FHIT: variants seen among roughly 807,000 people sequenced by gnomAD.
FHIT encodes bis(5'-adenosyl)-triphosphatase.
Under a neutral mutation model 17.9 loss-of-function variants are expected in FHIT, and 19 were observed. The observed-to-expected ratio is 1.06, with a 90% confidence interval of 0.74 to 1.56. The LOEUF (loss-of-function observed/expected upper bound fraction) is 1.56, where lower values mean the gene tolerates loss of function less well. Among genes scored for constraint, FHIT ranks in the 40% most tolerant of loss-of-function variants. The pLI is 0.00. For missense variants in FHIT, 248 were observed against 189.2 expected (o/e 1.31, Z -1.82); for synonymous variants, 81 against 69.7 (o/e 1.16, Z -0.81).
At position 61,139,329 on chromosome 3, in the gene FHIT, AC is replaced by A. The variant is rs555926525; in HGVS notation, c.-164+61287del. Reference sequence around the variant, plus strand: ...TTTTTATTGCAGTATAATCTCTTTAACAAAAAACAAGAATTGTAGACCAGTA... The same window carrying A: ...TTTTTATTGCAGTATAATCTCTTTAAAAAAAACAAGAATTGTAGACCAGTA... On this transcript the variant is annotated intron_variant, in intron 2 of 9. Coordinates refer to ENST00000492590, the MANE Select transcript of FHIT (RefSeq NM_002012.4). 6.6e-5 allele frequency among the ~76,000 whole-genome samples: 10 copies of A among 152,252 alleles called. No homozygotes were observed. The South Asian group carries it at 1.9e-3, about 28-fold the overall frequency.
intron 4 of FHIT, among the ~76,000 whole-genome samples, chr3:60,727,609 A>G (rs2041942960): frequency 1.3e-5 from 2 of 152,260 alleles, no homozygotes. Flanking sequence ...AAGTTCATCC[A>G]AAAGATCAAA....
At chr3:60,182,621 A>C (rs572612209) in intron 5 of FHIT, among the ~76,000 whole-genome samples, 1 of 152,008 alleles carries the variant, frequency 6.6e-6, no homozygotes. Context: ...CTACAAAAAA[A>C]TATAACAACA....
intron 5 of FHIT, among the ~76,000 whole-genome samples, chr3:60,239,027 T>C (rs1704967405): frequency 6.6e-6 from 1 of 152,152 alleles, no homozygotes; most frequent in Non-Finnish European, 1.5e-5. Flanking sequence ...TCTAAGAATG[T>C]ATATACTTAG....
intron 8 of FHIT, among the ~76,000 whole-genome samples, chr3:59,918,974 G>T (rs1271367880): frequency 6.6e-6 from 1 of 152,146 alleles, no homozygotes; most frequent in Non-Finnish European, 1.5e-5. Context: ...AATAAATACA[G>T]TGTGGTTTCC....
chr3:61,017,913 GT>G (rs1187472405), intron 3 of FHIT, among the ~76,000 whole-genome samples: 1 of 152,120 alleles, frequency 6.6e-6, no homozygotes, highest in Non-Finnish European at 1.5e-5. Context: ...AAATTTCAAA[GT>G]TGGGCAGCCC....
chr3:60,348,062 C>T (rs1710886662), intron 5 of FHIT, among the ~76,000 whole-genome samples: 1 of 151,900 alleles, frequency 6.6e-6, no homozygotes, highest in African/African-American at 2.4e-5. Flanking sequence ...CCTGGCCTAC[C>T]CTTTCATTTT....
chr3:59,779,900 G>A (rs760600037), intron 8 of FHIT, among the ~76,000 whole-genome samples: 1 of 152,196 alleles, frequency 6.6e-6, no homozygotes, highest in African/African-American at 2.4e-5. Context: ...ATTCTAAAGT[G>A]CATGACCACA....
chr3:60,707,037 A>G (rs940987438), intron 4 of FHIT, among the ~76,000 whole-genome samples: 1 of 152,174 alleles, frequency 6.6e-6, no homozygotes, highest in Non-Finnish European at 1.5e-5. Flanking sequence ...TTCTTTTCAC[A>G]TGGCTACATT....
intron 2 of FHIT, among the ~76,000 whole-genome samples, chr3:61,188,435 A>G (rs919521844): frequency 1.3e-5 from 2 of 152,220 alleles, no homozygotes; most frequent in East Asian, 3.8e-4. Flanking sequence ...TTGAGGCAAT[A>G]AGTAATAGCT....
chr3:59,813,204 G>C (rs1454348160), intron 8 of FHIT, among the ~76,000 whole-genome samples: 1 of 152,072 alleles, frequency 6.6e-6, no homozygotes, highest in Non-Finnish European at 1.5e-5. Context: ...TTACTCCCTA[G>C]GCTTATAAGC....
chr3:59,922,274 A>G, intron 8 of FHIT, 72 bp downstream of exon 8: 1 of 1,244,272 alleles, frequency 8.0e-7, no homozygotes, highest in South Asian at 1.2e-5. Context: ...GTAATACTTG[A>G]TTCATTAGGT....
chr3:61,211,509 A>G (rs1472065185), intron 1 of FHIT, among the ~76,000 whole-genome samples: 1 of 152,200 alleles, frequency 6.6e-6, no homozygotes, highest in African/African-American at 2.4e-5. Context: ...AGGAAGCATG[A>G]ACTGGGTAGA....
At chr3:60,380,643 G>A (rs957864056) in intron 5 of FHIT, among the ~76,000 whole-genome samples, 11 of 152,090 alleles carry the variant, frequency 7.2e-5, no homozygotes, top group East Asian at 3.9e-4. Context: ...ACATGTCTCC[G>A]TACACGTCCA....
chr3:61,045,353 A>C (rs1459679973), intron 2 of FHIT, among the ~76,000 whole-genome samples: 1 of 152,232 alleles, frequency 6.6e-6, no homozygotes, highest in African/African-American at 2.4e-5. Context: ...GTCTCTGATA[A>C]AACAGACTTT....
In FHIT at chr3:60,795,976, G is replaced by A. The variant is rs185560494; in HGVS notation, c.-18+25943C>T. Reference sequence around the variant, plus strand: ...TTTAATTAGACTTACAGTTCCACATGACAGGGGAGGCCTCAGAATCATGGC... The same window carrying A: ...TTTAATTAGACTTACAGTTCCACATAACAGGGGAGGCCTCAGAATCATGGC... On this transcript the variant is annotated intron_variant, in intron 4 of 9. Coordinates refer to ENST00000492590, the MANE Select transcript of FHIT (RefSeq NM_002012.4). Among the ~76,000 whole-genome samples, 317 of 152,278 alleles carry A rather than the reference G, an allele frequency of 2.1e-3. 2 individuals carry two copies. The highest frequency in any genetic ancestry group is 6.9e-3 in the African/African-American group (286 of 41,564).
At chr3:59,901,791 G>A (rs1434281181) in intron 8 of FHIT, among the ~76,000 whole-genome samples, 4 of 152,094 alleles carry the variant, frequency 2.6e-5, no homozygotes, top group African/African-American at 9.7e-5. Flanking sequence ...ATATACCCTA[G>A]AGAAATGAAA....
intron 5 of FHIT, among the ~76,000 whole-genome samples, chr3:60,372,509 C>T (rs941089864): frequency 1.3e-5 from 2 of 152,126 alleles, no homozygotes; most frequent in African/African-American, 4.8e-5. Context: ...TCTTTTTCTT[C>T]CTGAATCTCC....
At chr3:61,111,691 C>A (rs962253877) in intron 2 of FHIT, among the ~76,000 whole-genome samples, 1 of 152,154 alleles carries the variant, frequency 6.6e-6, no homozygotes, top group African/African-American at 2.4e-5. Flanking sequence ...TCACATTTGC[C>A]CAGTTCAGCC....
At chr3:60,422,634 C>T (rs1012640328) in intron 5 of FHIT, among the ~76,000 whole-genome samples, 1 of 152,030 alleles carries the variant, frequency 6.6e-6, no homozygotes, top group Non-Finnish European at 1.5e-5. Context: ...CATGCCTTTC[C>T]CGAGTGAGGT....
Sources: gnomAD v4.1 joint callset for allele counts (sites outside exome capture counted in the v4.1 genomes callset) on GRCh38, gnomAD v4.1.1 for gene constraint, MANE v1.5 for transcripts, NCBI Gene and HGNC (gene_info 2026-07-23, HGNC 2026-07-21) for gene names.